CNTN5: variants seen among roughly 807,000 people sequenced by gnomAD.
CNTN5 encodes contactin-5.
Under a neutral mutation model 129.1 loss-of-function variants are expected in CNTN5, and 77 were observed. The observed-to-expected ratio is 0.60, with a 90% CI of 0.50 to 0.72. CNTN5 has a LOEUF of 0.72. Among genes scored for constraint, CNTN5 ranks in the 30% least tolerant of loss-of-function variants. CNTN5 has a pLI of 0.00. For missense variants in CNTN5, 1,478 were observed against 1,328.8 expected, an observed-to-expected ratio of 1.11 and a Z score of -1.75; for synonymous variants, 509 against 465.6, an observed-to-expected ratio of 1.09 and a Z score of -1.20.
intron 1 of CNTN5, among the ~76,000 whole-genome samples, chr11:99,247,243 C>T (rs1445101516): frequency 6.6e-6 from 1 of 151,984 alleles, no homozygotes; most frequent in Non-Finnish European, 1.5e-5. Context: ...CATTTTTATT[C>T]TCTCTCCATT....
intron 3 of CNTN5, among the ~76,000 whole-genome samples, chr11:99,602,313 G>T (rs10790825): frequency 0.2 from 29,904 of 151,788 alleles, 3,334 homozygotes; most frequent in East Asian, 0.44. Flanking sequence ...ATTTTTGATG[G>T]AGAATAGAAA....
chr11:99,969,629 T>C (rs1311506136), intron 8 of CNTN5, among the ~76,000 whole-genome samples: 1 of 152,168 alleles, frequency 6.6e-6, no homozygotes, highest in Non-Finnish European at 1.5e-5. Context: ...TGTCTCAGCC[T>C]TCATTATTCT....
intron 8 of CNTN5, among the ~76,000 whole-genome samples, chr11:99,982,432 C>CA (rs1938405223): frequency 6.6e-6 from 1 of 152,094 alleles, no homozygotes; most frequent in African/African-American, 2.4e-5. Context: ...AGGCTGAATA[C>CA]ACCATGATAA....
intron 2 of CNTN5, among the ~76,000 whole-genome samples, chr11:99,365,573 A>G (rs947939224): frequency 1.2e-4 from 18 of 152,130 alleles, no homozygotes; most frequent in Middle Eastern, 3.2e-3. Context: ...TTTCATTTCA[A>G]ACAGTGTAAT....
intron 13 of CNTN5, among the ~76,000 whole-genome samples, chr11:100,186,932 TA>T (rs1319647167): frequency 1.3e-5 from 2 of 151,994 alleles, no homozygotes; most frequent in African/African-American, 4.8e-5. Context: ...TTTGTGAAGT[TA>T]AAAAAAATGA....
intron 2 of CNTN5, among the ~76,000 whole-genome samples, chr11:99,405,439 T>G (rs1251762758): frequency 3.9e-5 from 6 of 152,052 alleles, no homozygotes. Flanking sequence ...TCAAGCAACC[T>G]CTTCAAGCTC....
intron 3 of CNTN5, among the ~76,000 whole-genome samples, chr11:99,716,193 C>A (rs1438213177): frequency 1.3e-5 from 2 of 151,836 alleles, no homozygotes; most frequent in Non-Finnish European, 2.9e-5. Context: ...TATCGTGTAT[C>A]CCTTTGAACC....
At chr11:99,895,026 C>T (rs1323730971) in intron 6 of CNTN5, among the ~76,000 whole-genome samples, 2 of 152,140 alleles carry the variant, frequency 1.3e-5, no homozygotes, top group African/African-American at 4.8e-5. Flanking sequence ...AGGCAGAAAT[C>T]AGGTAGGCCT....
chr11:99,289,622 T>A (rs951569347), intron 1 of CNTN5, among the ~76,000 whole-genome samples: 1 of 151,822 alleles, frequency 6.6e-6, no homozygotes, highest in Non-Finnish European at 1.5e-5. Flanking sequence ...ACTTTGATCA[T>A]CATCCCTGTA....
chr11:100,310,895 A>C (rs963698708), intron 21 of CNTN5, among the ~76,000 whole-genome samples: 3 of 151,868 alleles, frequency 2.0e-5, no homozygotes, highest in African/African-American at 7.3e-5. Flanking sequence ...GCACAGGGAG[A>C]GTGGGAGCAG....
chr11:99,056,330 G>A (rs946858647), intron 1 of CNTN5, among the ~76,000 whole-genome samples: 1 of 151,804 alleles, frequency 6.6e-6, no homozygotes, highest in African/African-American at 2.4e-5. Context: ...AAGCATAAAT[G>A]GTTTTATTGG....
intron 1 of CNTN5, among the ~76,000 whole-genome samples, chr11:99,204,970 A>G (rs2135644258): frequency 6.6e-6 from 1 of 152,284 alleles, no homozygotes; most frequent in East Asian, 1.9e-4. Context: ...CTTACTTTCT[A>G]TTAAAAAGTG....
intron 1 of CNTN5, among the ~76,000 whole-genome samples, chr11:99,257,985 AT>A (rs931492526): frequency 1.3e-5 from 2 of 152,064 alleles, no homozygotes; most frequent in Admixed American, 6.6e-5. Flanking sequence ...TAGAAGGGAA[AT>A]TTAGTGAGAT....
chr11:99,394,382 C>T (rs1034247717), intron 2 of CNTN5, among the ~76,000 whole-genome samples: 3 of 151,564 alleles, frequency 2.0e-5, no homozygotes, highest in African/African-American at 7.2e-5. Flanking sequence ...CTCAAACTCA[C>T]ATTAAAATTT....
At chr11:100,126,975 A>G (rs1156706916) in intron 13 of CNTN5, among the ~76,000 whole-genome samples, 1 of 151,928 alleles carries the variant, frequency 6.6e-6, no homozygotes, top group East Asian at 1.9e-4. Context: ...GATGGAGTGC[A>G]GTGGCATGAT....
chr11:99,790,872 T>A (rs1392071122), intron 3 of CNTN5, among the ~76,000 whole-genome samples: 2 of 152,172 alleles, frequency 1.3e-5, no homozygotes, highest in East Asian at 3.9e-4. Context: ...TTGACTGTTG[T>A]CTTATTCTGC....
At chr11:99,748,793 G>A (rs1029585117) in intron 3 of CNTN5, among the ~76,000 whole-genome samples, 1 of 152,180 alleles carries the variant, frequency 6.6e-6, no homozygotes, top group East Asian at 1.9e-4. Flanking sequence ...TCAATGGCCT[G>A]CATGATGCCC....
At chr11:99,572,743 A>AT (rs1485075501) in intron 3 of CNTN5, among the ~76,000 whole-genome samples, 3 of 111,986 alleles carry the variant, frequency 2.7e-5, no homozygotes, top group Non-Finnish European at 5.6e-5. Context: ...TATTTTGTTA[A>AT]TTTTTAATAA....
At chr11:99,970,514 T>G (rs914503246) in intron 8 of CNTN5, among the ~76,000 whole-genome samples, 3 of 152,210 alleles carry the variant, frequency 2.0e-5, no homozygotes, top group African/African-American at 7.2e-5. Context: ...GGGGATAATA[T>G]TGGTACTTAT....
Sources: gnomAD v4.1 joint callset for allele counts (sites outside exome capture counted in the v4.1 genomes callset) on GRCh38, gnomAD v4.1.1 for gene constraint, MANE v1.5 for transcripts, NCBI Gene and HGNC (gene_info 2026-07-23, HGNC 2026-07-21) for gene names.